Variants in LINGO1 observed in about 807,000 individuals in gnomAD.
The protein encoded by LINGO1 is leucine rich repeat and Ig domain containing 1.
In LINGO1, 11 loss-of-function variants were observed where a neutral mutation model predicts 37.3. The ratio of observed to expected loss-of-function variants is 0.29; its 90% CI spans 0.19 to 0.49. The LOEUF (loss-of-function observed/expected upper bound fraction) is 0.49. LINGO1 is among the 20% of genes least tolerant of loss of function. The pLI is 0.99. For missense variants in LINGO1, 585 were observed against 878.2 expected (o/e 0.67, Z 4.22); for synonymous variants, 387 against 403.0 (o/e 0.96, Z 0.48).
chr15:77,768,874 C>A (rs940840185), intron 1 of LINGO1, among the ~76,000 whole-genome samples: 1 of 152,224 alleles, frequency 6.6e-6, no homozygotes, highest in South Asian at 2.1e-4. Context: ...GGCACTGCAG[C>A]CTTGCGGGGC....
upstream of LINGO1, among the ~76,000 whole-genome samples, chr15:77,697,237 T>C (rs1434021691): frequency 6.6e-6 from 1 of 152,172 alleles, no homozygotes; most frequent in Non-Finnish European, 1.5e-5. Flanking sequence ...CCTGTACGTG[T>C]GTCAGATGAT....
chr15:77,741,628 C>G (rs2076265372), intron 1 of LINGO1, among the ~76,000 whole-genome samples: 1 of 152,192 alleles, frequency 6.6e-6, no homozygotes. Flanking sequence ...CAGGGCCCAC[C>G]ACTGCCAGCA....
At chr15:77,798,792 A>G (rs923257996) in intron 1 of LINGO1, among the ~76,000 whole-genome samples, 1 of 152,058 alleles carries the variant, frequency 6.6e-6, no homozygotes, top group African/African-American at 2.4e-5. Flanking sequence ...CAGCCTGTGT[A>G]GTCTGTGTGT....
At chr15:77,645,269 T>A (rs1443034963) in intron 3 of LINGO1, among the ~76,000 whole-genome samples, 2 of 152,010 alleles carry the variant, frequency 1.3e-5, no homozygotes, top group African/African-American at 4.8e-5. Context: ...CCAGCCAGCT[T>A]GTAGGGACTC....
At chr15:77,744,974 C>T (rs980812616) in intron 1 of LINGO1, among the ~76,000 whole-genome samples, 4 of 151,502 alleles carry the variant, frequency 2.6e-5, no homozygotes, top group African/African-American at 7.3e-5. Flanking sequence ...AAAAAATAGC[C>T]GGGCATGGTG....
chr15:77,640,371 CA>C (rs2141105925), intron 3 of LINGO1, among the ~76,000 whole-genome samples: 1 of 152,292 alleles, frequency 6.6e-6, no homozygotes, highest in African/African-American at 2.4e-5. Flanking sequence ...CAGTATGGTT[CA>C]ATTTCACATG....
chr15:77,704,791 G>C (rs1056257520), intron 2 of LINGO1, among the ~76,000 whole-genome samples: 2 of 151,972 alleles, frequency 1.3e-5, no homozygotes, highest in Non-Finnish European at 2.9e-5. Flanking sequence ...CCTAACACCA[G>C]TCATAGACTG....
At position 77,641,944 on chromosome 15, in the gene LINGO1, C is replaced by A. The variant is rs751767764; in HGVS notation, c.-12-26044G>T. ...ACATCCCAGGGAAGCCACCTGTTGG[C>A]GGAGTGGTCTTGGGTAAGTCACCTG... On this transcript the variant is annotated intron_variant, in intron 3 of 3. Coordinates refer to the LINGO1 transcript ENST00000559893. 4 of 456,564 alleles carry A rather than the reference C, an allele frequency of 8.8e-6. No homozygotes were observed. In the Admixed American group the frequency reaches 9.4e-5, roughly 11 times the overall value. 28.3% of individuals were successfully genotyped at this position (456,564 alleles called of 1,614,324 possible). A position where few individuals can be genotyped will look rare whatever the true frequency, so the allele number is the denominator to read the frequency against.
At chr15:77,764,422 T>C (rs1266374486) in intron 1 of LINGO1, among the ~76,000 whole-genome samples, 1 of 152,150 alleles carries the variant, frequency 6.6e-6, no homozygotes, top group African/African-American at 2.4e-5. Context: ...CAGAAGAATA[T>C]ACCTGCAGCA....
chr15:77,768,954 G>T (rs557347695), intron 1 of LINGO1, among the ~76,000 whole-genome samples: 1 of 152,274 alleles, frequency 6.6e-6, no homozygotes, highest in South Asian at 2.1e-4. Flanking sequence ...ATCACTGCAG[G>T]GCCTTCTGCC....
At chr15:77,626,239 C>T (rs1229718810) in intron 1 of LINGO1, among the ~76,000 whole-genome samples, 1 of 151,458 alleles carries the variant, frequency 6.6e-6, no homozygotes, top group Non-Finnish European at 1.5e-5. Context: ...CACATGGCCA[C>T]CCCATGGCGG....
At chr15:77,790,391 T>C (rs1471411328), upstream of LINGO1, among the ~76,000 whole-genome samples, 1 of 152,054 alleles carries the variant, frequency 6.6e-6, no homozygotes, top group Non-Finnish European at 1.5e-5. Context: ...GGAGATGGGA[T>C]GTAGGATGGG....
At position 77,614,368 on chromosome 15, in the gene LINGO1, A is replaced by G. The variant is rs746202555; in HGVS notation, c.1539T>C (p.His513=). ...GCCAGTCGGGCGAGTAGCTGCGCACATGCAGGTGGGCGGGCATGGAGTCGT... is the reference window on the plus strand; with the variant it reads ...GCCAGTCGGGCGAGTAGCTGCGCACGTGCAGGTGGGCGGGCATGGAGTCGT... ...GGNDSMPAHL[H]VRSYSPDWPH... is the part of the protein sequence containing the mutation. The change falls in exon 2 of 2, where the codon CAT becomes CAC. Residue 513 remains histidine (H), a synonymous_variant. Coordinates refer to ENST00000355300, the MANE Select transcript of LINGO1 (RefSeq NM_032808.7). 1.7e-5 allele frequency: 27 copies of G among 1,613,690 alleles called. No individual in the cohort carries two copies. The highest frequency in any genetic ancestry group is 2.1e-5 in the Non-Finnish European group (25 of 1,179,882).
chr15:77,685,014 G>A (rs1479382815), intron 2 of LINGO1, among the ~76,000 whole-genome samples: 2 of 151,702 alleles, frequency 1.3e-5, no homozygotes, highest in Admixed American at 1.3e-4. Flanking sequence ...TAGAAGGATG[G>A]GGGGTGTGGA....
chr15:77,723,831 G>C (rs1174408743), intron 2 of LINGO1, among the ~76,000 whole-genome samples: 1 of 152,218 alleles, frequency 6.6e-6, no homozygotes, highest in Non-Finnish European at 1.5e-5. Context: ...AGGTGGGGGA[G>C]GGGGCAACAG....
chr15:77,722,873 GC>G (rs1240598260), intron 2 of LINGO1, among the ~76,000 whole-genome samples: 2 of 152,154 alleles, frequency 1.3e-5, no homozygotes, highest in African/African-American at 4.8e-5. Context: ...GCACTCTCCA[GC>G]CCCTCACGCA....
intron 3 of LINGO1, among the ~76,000 whole-genome samples, chr15:77,676,923 T>C (rs2075337470): frequency 6.6e-6 from 1 of 152,222 alleles, no homozygotes; most frequent in East Asian, 1.9e-4. Flanking sequence ...GAGGCCCCTC[T>C]GCTGCTAGGG....
intron 3 of LINGO1, chr15:77,652,152 T>C (rs1263353162): frequency 2.0e-5 from 3 of 152,202 alleles, no homozygotes; most frequent in Non-Finnish European, 2.9e-5. Context: ...ACCCACCCAC[T>C]TTGGGTAAAT....
At chr15:77,686,990 A>C (rs116740855) in intron 2 of LINGO1, among the ~76,000 whole-genome samples, 52 of 152,278 alleles carry the variant, frequency 3.4e-4, no homozygotes, top group African/African-American at 7.0e-4. Context: ...TGGCAGTGGG[A>C]ATGGACAAAC....
Sources: gnomAD v4.1 joint callset for allele counts (sites outside exome capture counted in the v4.1 genomes callset) on GRCh38, gnomAD v4.1.1 for gene constraint, MANE v1.5 for transcripts, NCBI Gene and HGNC (gene_info 2026-07-23, HGNC 2026-07-21) for gene names.